The following ANK1 variants were observed in gnomAD, a reference collection of about 807,000 sequenced individuals.
The protein encoded by ANK1 is ankyrin-1.
A neutral mutation model predicts 210.4 loss-of-function variants in ANK1; 51 were observed. The observed-to-expected ratio is 0.24, with a 90% CI of 0.19 to 0.31. ANK1 has a LOEUF of 0.31. Among genes scored for constraint, ANK1 ranks in the 10% least tolerant of loss-of-function variants. The pLI, the probability that ANK1 is intolerant of heterozygous loss-of-function variation, is 1.00. For synonymous variants in ANK1, 967 were observed against 1,025.9 expected (o/e 0.94, Z 1.10); for missense variants, 2,051 against 2,504.4 (o/e 0.82, Z 3.86).
intron 2 of ANK1, among the ~76,000 whole-genome samples, chr8:41,753,416 C>A (rs987876591): frequency 6.6e-6 from 1 of 152,080 alleles, no homozygotes; most frequent in Admixed American, 6.5e-5. Context: ...CACTGTCCCC[C>A]TCCCCCAGAC....
At chr8:41,847,286 C>T (rs1342366798) in intron 1 of ANK1, among the ~76,000 whole-genome samples, 2 of 152,320 alleles carry the variant, frequency 1.3e-5, no homozygotes, top group East Asian at 3.9e-4. Context: ...ACCTTCAGCT[C>T]TAAGGTTTAC....
chr8:41,891,788 A>G (rs1205292292), intron 1 of ANK1, among the ~76,000 whole-genome samples: 29 of 152,226 alleles, frequency 1.9e-4, no homozygotes. Flanking sequence ...CCGAGGTACT[A>G]CAATAAGAAG....
chr8:41,802,956 GGGGA>G (rs1850139677), intron 1 of ANK1, among the ~76,000 whole-genome samples: 3 of 51,836 alleles, frequency 5.8e-5, no homozygotes, highest in East Asian at 3.9e-4. Context: ...AAAGGGGGGG[GGGGA>G]GAGAGAGAGA....
At chr8:41,832,961 G>C (rs1016188629) in intron 1 of ANK1, among the ~76,000 whole-genome samples, 6 of 152,186 alleles carry the variant, frequency 3.9e-5, no homozygotes, top group Non-Finnish European at 7.3e-5. Context: ...AACTGGGTCT[G>C]TTAGCCAAAC....
At chr8:41,707,831 A>G (rs1191637770) in intron 17 of ANK1, among the ~76,000 whole-genome samples, 3 of 152,256 alleles carry the variant, frequency 2.0e-5, no homozygotes, top group Non-Finnish European at 4.4e-5. Context: ...GATTTTGTAC[A>G]AAATCTATAG....
At chr8:41,670,443 C>A (rs1811908763) in intron 38 of ANK1, among the ~76,000 whole-genome samples, 1 of 152,040 alleles carries the variant, frequency 6.6e-6, no homozygotes, top group Admixed American at 6.5e-5. Context: ...AGCATGCAGC[C>A]CCTGCAGGTG....
intron 1 of ANK1, among the ~76,000 whole-genome samples, chr8:41,835,064 C>T (rs1353211176): frequency 6.6e-6 from 1 of 152,226 alleles, no homozygotes; most frequent in African/African-American, 2.4e-5. Flanking sequence ...AGCGAGATGG[C>T]GCTTAGGAAT....
chr8:41,715,030 C>T lies in ANK1; in HGVS notation c.1647G>A (p.Val549=). ...GCTCCAGCAGCAGCTCTGCCACCCG[C>T]ACCTTCCCGTACTTGGCCGCCACGT... is the stretch of plus-strand genomic sequence containing the variant. ...PLHVAAKYGK[V]RVAELLLERD... is the part of the protein sequence containing the mutation. The change falls in exon 15 of 43, where the codon GTG becomes GTA. Residue 549 remains valine, a synonymous_variant. Transcript: ENST00000289734. The T allele has an allele frequency of 6.2e-7, 1 of 1,614,168 alleles. No homozygotes were observed. Among genetic ancestry groups the T allele is most frequent in the Non-Finnish European group, 8.5e-7 (1 of 1,180,028 alleles).
At chr8:41,742,318 G>A (rs1043105439) in intron 2 of ANK1, among the ~76,000 whole-genome samples, 11 of 152,200 alleles carry the variant, frequency 7.2e-5, no homozygotes, top group African/African-American at 1.9e-4. Flanking sequence ...GAAGGGGAAC[G>A]GTTTGAAATA....
upstream of ANK1, among the ~76,000 whole-genome samples, chr8:41,798,382 G>A (rs1171143069): frequency 1.3e-5 from 2 of 152,200 alleles, no homozygotes; most frequent in Admixed American, 6.5e-5. Context: ...GAACCGAGGT[G>A]AGTCACCGCA....
chr8:41,688,181 T>C lies in ANK1; in HGVS notation c.4233A>G (p.Ser1411=). Residue 1411 remains serine, a synonymous_variant, in exon 35 of 43, where the codon TCA becomes TCG. Coordinates refer to ENST00000289734, the MANE Select transcript of ANK1 (RefSeq NM_000037.4). Reference sequence around the variant, plus strand: ...CTGCCCAGCTGAGACCGAGGTGCTCTGAGATAACAGCCATCTTCATCTCTG... The same window carrying C: ...CTGCCCAGCTGAGACCGAGGTGCTCCGAGATAACAGCCATCTTCATCTCTG... The part of the protein sequence containing the change: ...EQAEMKMAVI[S]EHLGLSWAEL... 5 of 1,613,986 alleles carry C rather than the reference T, an allele frequency of 3.1e-6. No individual in the cohort carries two copies. Among genetic ancestry groups the C allele is most frequent in the Non-Finnish European group, 4.2e-6 (5 of 1,179,826 alleles).
At chr8:41,661,356 GA>G (rs1408511187) in intron 42 of ANK1, 73 bp downstream of exon 42, 11 of 1,585,144 alleles carry the variant, frequency 6.9e-6, no homozygotes, top group Non-Finnish European at 9.4e-6. Context: ...GCTGGGAGGG[GA>G]TAGGGTGAGA....
At chr8:41,767,471 C>T (rs1481077943) in intron 1 of ANK1, among the ~76,000 whole-genome samples, 1 of 151,140 alleles carries the variant, frequency 6.6e-6, no homozygotes, top group East Asian at 2.0e-4. Context: ...GCAAGTTACG[C>T]GGCATCTGGC....
chr8:41,804,789 T>G lies in ANK1; in HGVS notation c.127-46652A>C, dbSNP rs189212197. Reference sequence around the variant, plus strand: ...CCATCTGCTTGGCACTGGCTTAGAGTGCTGCGAAATTCCCACATTCCGGCA... The same window carrying G: ...CCATCTGCTTGGCACTGGCTTAGAGGGCTGCGAAATTCCCACATTCCGGCA... On this transcript the variant is annotated intron_variant, in intron 1 of 42. Transcript: ENST00000265709. Among the ~76,000 whole-genome samples, 804 of 152,270 alleles carry G rather than the reference T, an allele frequency of 5.3e-3. 7 individuals carry two copies. The highest frequency in any genetic ancestry group is 9.0e-3 in the Non-Finnish European group (614 of 68,028).
chr8:41,741,262 T>C (rs1834723793), intron 2 of ANK1, among the ~76,000 whole-genome samples: 1 of 152,090 alleles, frequency 6.6e-6, no homozygotes, highest in Non-Finnish European at 1.5e-5. Context: ...TTGTGTCCGT[T>C]CCTCCCTCCA....
intron 39 of ANK1, chr8:41,664,369 A>C (rs1455373199): frequency 2.7e-6 from 1 of 363,820 alleles, no homozygotes; most frequent in African/African-American, 2.1e-5. Context: ...GCTACTCAGA[A>C]GGCTGAGGCA....
rs185309244 is a variant in ANK1, at chr8:41,862,838, C to T, written c.126+33517G>A. Among the ~76,000 whole-genome samples, 299 of 151,490 alleles carry T rather than the reference C, an allele frequency of 2.0e-3. 1 individual carries two copies. The highest frequency in any genetic ancestry group is 7.0e-3 in the African/African-American group (289 of 41,272). On this transcript the variant is annotated intron_variant, in intron 1 of 42. Transcript: ENST00000265709. ...CAGCCTGGGCAACATGGCAAGACCC[C>T]TGTCTCTATAAAAAATTCTTTAAAA... is the stretch of plus-strand genomic sequence containing the variant.
intron 11 of ANK1, 49 bp downstream of exon 11, chr8:41,718,057 C>A: frequency 1.3e-6 from 2 of 1,565,100 alleles, no homozygotes; most frequent in South Asian, 2.2e-5. Flanking sequence ...GAAGGTGGGT[C>A]GGGGGAGACC....
chr8:41,758,168 C>G, intron 1 of ANK1, 31 bp from the exon 2 acceptor site: 1 of 1,596,978 alleles, frequency 6.3e-7, no homozygotes. Flanking sequence ...CGGTGAGTGT[C>G]CTGGGTGTAT....
Sources: allele counts gnomAD v4.1 joint callset (sites outside exome capture counted in the v4.1 genomes callset), GRCh38; gene constraint gnomAD v4.1.1; transcripts MANE v1.5; gene names NCBI Gene and HGNC (gene_info 2026-07-23, HGNC 2026-07-21).